Variants in MLST8 observed in about 807,000 individuals in gnomAD.
The protein encoded by MLST8 is MTOR associated protein MLST8, also known as target of rapamycin complex subunit LST8.
A neutral mutation model predicts 41.3 loss-of-function variants in MLST8; 20 were observed. The ratio of observed to expected loss-of-function variants is 0.48; its 90% CI spans 0.34 to 0.70. MLST8 has a LOEUF of 0.70. MLST8 is among the 30% of genes least tolerant of loss of function. The pLI is 0.01. For missense variants in MLST8, 422 were observed against 454.3 expected (o/e 0.93, Z 0.65); for synonymous variants, 243 against 183.0 (o/e 1.33, Z -2.65).
chr16:2,205,893 C>T (rs1567272412), intron 1 of MLST8, 138 bp from the exon 2 acceptor site: 2 of 1,401,702 alleles, frequency 1.4e-6, no homozygotes, highest in Middle Eastern at 1.9e-4. Context: ...GCGTGTGACG[C>T]GTGTCCCTGA....
Position 2,209,328 on chromosome 16 carries a change from T to G in MLST8, c.*451T>G. Reference sequence around the variant, plus strand: ...CAGGTGGCCTGGCCAGCCCACTGGATTGGGGACGGGCCAGGCTGGGCCAGG... The same window carrying G: ...CAGGTGGCCTGGCCAGCCCACTGGAGTGGGGACGGGCCAGGCTGGGCCAGG... On this transcript the variant is annotated 3_prime_UTR_variant, in exon 9 of 9. Coordinates refer to ENST00000569417, the MANE Select transcript of MLST8 (RefSeq NM_022372.6). 6.3e-7 allele frequency: 1 copy of G among 1,582,832 alleles called. No individual in the cohort carries two copies. The highest frequency in any genetic ancestry group is 8.7e-7 in the Non-Finnish European group (1 of 1,156,018).
At chr16:2,206,719 T>G in intron 4 of MLST8, 60 bp downstream of exon 4, 1 of 1,576,410 alleles carries the variant, frequency 6.3e-7, no homozygotes, top group Non-Finnish European at 8.6e-7. Flanking sequence ...GGAGACCGTT[T>G]TAGGTTGGGT....
In MLST8 at chr16:2,209,274, G is replaced by A. The variant is rs1699901172; in HGVS notation, c.*397G>A. The A allele has an allele frequency of 3.0e-5, 37 of 1,243,550 alleles. 1 individual carries two copies. Among genetic ancestry groups the A allele is most frequent in the Non-Finnish European group, 4.3e-5 (37 of 869,534 alleles). The allele number at this position is 1,243,550 out of a possible 1,614,324, so 77.0% of individuals were successfully genotyped here. ...CATGGCCAGGTGGAAGGGTTTATTA[G>A]TCCCTGCCAGCAGCTGTCCTCCCTG... On this transcript the variant is annotated 3_prime_UTR_variant, in exon 9 of 9. Coordinates refer to ENST00000569417, the MANE Select transcript of MLST8 (RefSeq NM_022372.6).
At chr16:2,205,907 T>C in intron 1 of MLST8, 124 bp from the exon 2 acceptor site, 1 of 1,439,794 alleles carries the variant, frequency 6.9e-7, no homozygotes, top group Non-Finnish European at 9.2e-7. Context: ...TCCCTGAACC[T>C]ACCTGCGCTT....
At chr16:2,207,440 C>G (rs2093314273) in intron 6 of MLST8, 95 bp downstream of exon 6, 7 of 1,475,460 alleles carry the variant, frequency 4.7e-6, no homozygotes, top group Non-Finnish European at 6.5e-6. Flanking sequence ...CTTAGCGGCC[C>G]CCTCCTGCTT....
chr16:2,205,971 G>T, intron 1 of MLST8, 60 bp from the exon 2 acceptor site: 2 of 1,474,040 alleles, frequency 1.4e-6, no homozygotes, highest in Non-Finnish European at 1.8e-6. Context: ...GCGCCTTGTG[G>T]GTCTATAATC....
chr16:2,206,242 G>A (rs1481475152), intron 2 of MLST8, 28 bp downstream of exon 2: 6 of 1,599,418 alleles, frequency 3.8e-6, no homozygotes, highest in Non-Finnish European at 4.3e-6. Context: ...CGGGCAGGGC[G>A]GCGCTGGGGG....
In MLST8 at chr16:2,208,924, G is replaced by A. The variant is rs758118787; in HGVS notation, c.*47G>A. 3 of 1,596,348 alleles carry A rather than the reference G, an allele frequency of 1.9e-6. No individual in the cohort carries two copies. Among genetic ancestry groups the A allele is most frequent in the Admixed American group, 1.7e-5 (1 of 59,996 alleles). On this transcript the variant is annotated 3_prime_UTR_variant, in exon 9 of 9. Transcript: ENST00000569417. ...CTGGTGCAGGTGGTGGCAGCTGGAG[G>A]GACCCATGCAGCACCCAGGTCAGAG...
Position 2,206,660 on chromosome 16 carries a change from G to A in MLST8, c.344+1G>A. ...GCACAGCCAGGATCTGGGACCTCAG[G>A]TGCGGTGGGGAGGGGGCGTGCTGCC... On this transcript the variant is annotated splice_donor_variant, in intron 4 of 8. Transcript: ENST00000569417. LOFTEE classifies it high-confidence loss of function. 1 of 1,612,532 alleles carries A rather than the reference G, an allele frequency of 6.2e-7. No homozygotes were observed. Among genetic ancestry groups the A allele is most frequent in the Non-Finnish European group, 8.5e-7 (1 of 1,179,888 alleles).
In MLST8 at chr16:2,209,320, C is replaced by A. The variant is rs2093358828; in HGVS notation, c.*443C>A. ...CCCTGGTGCAGGTGGCCTGGCCAGC[C>A]CACTGGATTGGGGACGGGCCAGGCT... is the stretch of plus-strand genomic sequence containing the variant. On this transcript the variant is annotated 3_prime_UTR_variant, in exon 9 of 9. Transcript: ENST00000569417. The A allele has an allele frequency of 6.3e-7, 1 of 1,577,170 alleles. No individual in the cohort carries two copies. The highest frequency in any genetic ancestry group is 1.7e-4 in the Middle Eastern group (1 of 5,894).
rs200101621 is a variant in MLST8, at chr16:2,206,100, A to G, written c.15A>G (p.Pro5=). The G allele has an allele frequency of 1.2e-6, 2 of 1,603,110 alleles. No homozygotes were observed. The highest frequency in any genetic ancestry group is 1.7e-5 in the Admixed American group (1 of 59,384). The change falls in exon 2 of 9, where the codon CCA becomes CCG. Residue 5 remains proline (P), a synonymous_variant. Transcript: ENST00000569417. MNTS[P]GTVGSDPVIL... ...CAGGCCACACCATGAACACCTCCCC[A>G]GGCACGGTGGGCAGTGACCCGGTCA...
chr16:2,205,849 G>C (rs1200507700), intron 1 of MLST8, 182 bp from the exon 2 acceptor site: 1 of 1,299,234 alleles, frequency 7.7e-7, no homozygotes, highest in African/African-American at 1.5e-5. Flanking sequence ...CGGGGATGGA[G>C]CACGCGCCCT....
chr16:2,208,801 G>C lies in MLST8; in HGVS notation c.905G>C (p.Gly302Ala), dbSNP rs764452200. The change falls in exon 9 of 9, where the codon GGA becomes GCA. Residue 302 changes from glycine to alanine, a missense_variant. Physicochemically the swap from Gly to Ala is moderately conservative, Grantham distance 60. Coordinates refer to ENST00000569417, the MANE Select transcript of MLST8 (RefSeq NM_022372.6). The stretch of plus-strand genomic sequence containing the variant: ...GCCCGGCTCTGGTGTGTGGAGACTG[G>C]AGAGATCAAGAGAGAGTATGGCGGC... The part of the protein sequence containing the change: ...NLARLWCVET[G>A]EIKREYGGHQ... 54 of 1,613,868 alleles carry C rather than the reference G, an allele frequency of 3.3e-5. No homozygotes were observed. Among genetic ancestry groups the C allele is most frequent in the Non-Finnish European group, 4.3e-5 (51 of 1,179,922 alleles).
At position 2,208,904 on chromosome 16, in the gene MLST8, G is replaced by GC; in HGVS notation, c.*28dup. On this transcript the variant is annotated 3_prime_UTR_variant, in exon 9 of 9. Transcript: ENST00000569417. ...CTGTGACCCCTCGGGACTGCCTGGT[G>GC]CAGGTGGTGGCAGCTGGAGGGACCC... 1 of 1,609,170 alleles carries GC rather than the reference G, an allele frequency of 6.2e-7. No individual in the cohort carries two copies. The highest frequency in any genetic ancestry group is 8.5e-7 in the Non-Finnish European group (1 of 1,178,794).
At chr16:2,205,833 G>C in intron 1 of MLST8, 198 bp from the exon 2 acceptor site, 5 of 1,201,774 alleles carry the variant, frequency 4.2e-6, no homozygotes, top group Non-Finnish European at 5.2e-6. Flanking sequence ...CGCCGTGTGC[G>C]TGGGGCGGGG....
rs2093359675 is a variant in MLST8 at position 2,209,363 on chromosome 16, C to T, written c.*486C>T. ...GCCAGGCTGGGCCAGGTCGGGGGCT[C>T]AGTCTGGGAGGTAATAAAAGCAGAC... is the stretch of plus-strand genomic sequence containing the variant. On this transcript the variant is annotated 3_prime_UTR_variant, in exon 9 of 9. Coordinates refer to ENST00000569417, the MANE Select transcript of MLST8 (RefSeq NM_022372.6). 2 of 1,609,562 alleles carry T rather than the reference C, an allele frequency of 1.2e-6. No individual in the cohort carries two copies. The highest frequency in any genetic ancestry group is 1.7e-6 in the Non-Finnish European group (2 of 1,176,616).
At chr16:2,205,997 G>A (rs2093278733) in intron 1 of MLST8, 34 bp from the exon 2 acceptor site, 2 of 1,505,392 alleles carry the variant, frequency 1.3e-6, no homozygotes, top group Non-Finnish European at 1.8e-6. Flanking sequence ...AGCACAGAGA[G>A]TGTCTTCTAA....
At position 2,206,004 on chromosome 16, in the gene MLST8, C is replaced by G. The variant is rs992407920; in HGVS notation, c.-55-27C>G. On this transcript the variant is annotated intron_variant, in intron 1 of 8. Transcript: ENST00000569417. ...ATCTACTTAGCACAGAGAGTGTCTT[C>G]TAAGTACTTCACATCCTTCTCTGCA... 4.6e-6 allele frequency: 7 copies of G among 1,512,912 alleles called. No homozygotes were observed. In the Admixed American group the frequency reaches 1.5e-4, roughly 33 times the overall value. The allele number at this position is 1,512,912 out of a possible 1,614,324, so 93.7% of individuals were successfully genotyped here. A position where few individuals can be genotyped will look rare whatever the true frequency, so the allele number is the denominator to read the frequency against.
rs778964676 is a variant in MLST8, at chr16:2,208,901, G to A, written c.*24G>A. 3.1e-6 allele frequency: 5 copies of A among 1,610,220 alleles called. No individual in the cohort carries two copies. In the East Asian group the frequency reaches 8.9e-5, roughly 29 times the overall value. ...AGCCTGTGACCCCTCGGGACTGCCTGGTGCAGGTGGTGGCAGCTGGAGGGA... is the reference window on the plus strand; with the variant it reads ...AGCCTGTGACCCCTCGGGACTGCCTAGTGCAGGTGGTGGCAGCTGGAGGGA... On this transcript the variant is annotated 3_prime_UTR_variant, in exon 9 of 9. Transcript: ENST00000569417.
Sources: allele counts gnomAD v4.1 joint callset, GRCh38; gene constraint gnomAD v4.1.1; transcripts MANE v1.5; gene names NCBI Gene and HGNC (gene_info 2026-07-23, HGNC 2026-07-21).